FOXP1: variants seen among roughly 807,000 people sequenced by gnomAD.
The protein encoded by FOXP1 is forkhead box protein P1.
In FOXP1, 15 loss-of-function variants were observed where a neutral mutation model predicts 98.2. The ratio of observed to expected loss-of-function variants is 0.15; its 90% confidence interval spans 0.10 to 0.24. FOXP1 has a LOEUF of 0.24. Ranked by LOEUF, FOXP1 falls within the 10% of genes least tolerant of loss-of-function variation. The pLI, the probability that FOXP1 is intolerant of heterozygous loss-of-function variation, is 1.00. For missense variants in FOXP1, 633 were observed against 848.5 expected (o/e 0.75, Z 3.15); for synonymous variants, 371 against 314.5 (o/e 1.18, Z -1.90).
chr3:71,197,788 C>T, intron 6 of FOXP1: 2 of 1,227,390 alleles, frequency 1.6e-6, no homozygotes, highest in Admixed American at 2.2e-5. Flanking sequence ...TACTCTTTTT[C>T]TCTCTTTTAT....
intron 5 of FOXP1, among the ~76,000 whole-genome samples, chr3:71,280,692 C>G (rs1332157197): frequency 6.6e-6 from 1 of 151,908 alleles, no homozygotes; most frequent in Non-Finnish European, 1.5e-5. Context: ...CAAGAGCTGC[C>G]TATGGTAACT....
chr3:71,440,152 G>A (rs1281478995), intron 3 of FOXP1, among the ~76,000 whole-genome samples: 2 of 152,144 alleles, frequency 1.3e-5, no homozygotes, highest in Non-Finnish European at 2.9e-5. Context: ...AGTTATGCAA[G>A]ATGAGAAAGT....
intron 19 of FOXP1, chr3:70,968,555 A>G (rs1347868219): frequency 6.6e-6 from 1 of 151,960 alleles, no homozygotes; most frequent in Non-Finnish European, 1.5e-5. Context: ...AACATTAACC[A>G]CTCTGAGATC....
At chr3:71,583,847 C>A, upstream of FOXP1, 2 of 986,410 alleles carry the variant, frequency 2.0e-6, no homozygotes, top group Non-Finnish European at 2.4e-6. Flanking sequence ...CAGCACCGGC[C>A]CGGGGGCGCA....
chr3:70,991,460 T>C (rs895290284), intron 13 of FOXP1, among the ~76,000 whole-genome samples: 6 of 152,154 alleles, frequency 3.9e-5, no homozygotes, highest in African/African-American at 1.4e-4. Flanking sequence ...TCCTCAAAGA[T>C]ACAAACTAAG....
intron 2 of FOXP1, among the ~76,000 whole-genome samples, chr3:71,527,690 T>A (rs567149877): frequency 6.6e-5 from 10 of 152,282 alleles, no homozygotes; most frequent in Admixed American, 5.2e-4. Flanking sequence ...TTCATCTGTG[T>A]TTCCCCCGAC....
intron 2 of FOXP1, among the ~76,000 whole-genome samples, chr3:71,516,169 G>A (rs1000763726): frequency 4.6e-5 from 7 of 152,166 alleles, no homozygotes; most frequent in Non-Finnish European, 8.8e-5. Flanking sequence ...TTAATGTACT[G>A]CAGTTACGTA....
Position 71,386,854 on chromosome 3 carries a change from T to C in FOXP1, c.-167-27610A>G, listed in dbSNP as rs189865691. On this transcript the variant is annotated intron_variant, in intron 3 of 20. Transcript: ENST00000649528. Reference sequence around the variant, plus strand: ...TGCCTTGCCCATAGCAAATGTTATCTGCCATTAGTATTTAATATTAATATT... The same window carrying C: ...TGCCTTGCCCATAGCAAATGTTATCCGCCATTAGTATTTAATATTAATATT... 2.6e-5 allele frequency among the ~76,000 whole-genome samples: 4 copies of C among 152,276 alleles called. No homozygotes were observed. In the East Asian group the frequency reaches 5.8e-4, roughly 22 times the overall value.
intron 4 of FOXP1, among the ~76,000 whole-genome samples, chr3:71,330,129 A>G (rs1304821348): frequency 6.6e-6 from 1 of 152,250 alleles, no homozygotes. Context: ...CTATGCTTCA[A>G]AGCTGAAGCA....
At chr3:71,391,372 A>G (rs1484337107) in intron 3 of FOXP1, among the ~76,000 whole-genome samples, 1 of 152,250 alleles carries the variant, frequency 6.6e-6, no homozygotes, top group African/African-American at 2.4e-5. Context: ...CTTTCCAAAT[A>G]AAAATGAGTT....
intron 5 of FOXP1, among the ~76,000 whole-genome samples, chr3:71,248,932 G>A (rs1221226078): frequency 6.6e-6 from 1 of 152,156 alleles, no homozygotes; most frequent in South Asian, 2.1e-4. Flanking sequence ...TCACAAAAAA[G>A]CCAGTGGGAA....
intron 2 of FOXP1, among the ~76,000 whole-genome samples, chr3:71,496,743 G>T (rs2091443020): frequency 6.6e-6 from 1 of 152,078 alleles, no homozygotes; most frequent in African/African-American, 2.4e-5. Flanking sequence ...GGAGTCGGAA[G>T]TTGCAGTGAG....
At chr3:71,305,032 A>ACT (rs2074158683) in intron 4 of FOXP1, among the ~76,000 whole-genome samples, 1 of 152,080 alleles carries the variant, frequency 6.6e-6, no homozygotes, top group African/African-American at 2.4e-5. Flanking sequence ...TTGAAATAAC[A>ACT]CTCTACCCTC....
intron 4 of FOXP1, among the ~76,000 whole-genome samples, chr3:71,347,893 A>T (rs1162007321): frequency 6.6e-6 from 1 of 152,102 alleles, no homozygotes; most frequent in Non-Finnish European, 1.5e-5. Context: ...TCACAAAAAA[A>T]AAAAACAGAG....
intron 4 of FOXP1, among the ~76,000 whole-genome samples, chr3:71,325,867 G>C (rs1272910580): frequency 6.6e-6 from 1 of 152,092 alleles, no homozygotes; most frequent in Non-Finnish European, 1.5e-5. Flanking sequence ...TATTTTGTAT[G>C]AAACATCTGT....
intron 8 of FOXP1, 78 bp downstream of exon 8, chr3:71,053,558 A>AT: frequency 6.4e-7 from 1 of 1,563,258 alleles, no homozygotes. Context: ...GCTCTGGTGG[A>AT]GGGGAGATTG....
At chr3:71,132,663 G>A (rs2059629647) in intron 6 of FOXP1, among the ~76,000 whole-genome samples, 1 of 152,094 alleles carries the variant, frequency 6.6e-6, no homozygotes, top group Admixed American at 6.6e-5. Context: ...CAGCACGCTT[G>A]GATTTTTAAA....
intron 6 of FOXP1, among the ~76,000 whole-genome samples, chr3:71,183,108 T>C (rs1295408538): frequency 1.3e-5 from 2 of 152,196 alleles, no homozygotes; most frequent in Non-Finnish European, 2.9e-5. Context: ...TGAACATCCT[T>C]AGGCATAAAT....
chr3:70,990,503 A>G lies in FOXP1; in HGVS notation c.1063-2426T>C, dbSNP rs2040437413. 2.0e-5 allele frequency among the ~76,000 whole-genome samples: 3 copies of G among 152,222 alleles called. No individual in the cohort carries two copies. The South Asian group carries it at 6.2e-4, about 31-fold the overall frequency. On this transcript the variant is annotated intron_variant, in intron 13 of 20. Transcript: ENST00000649528. ...TTCACGGCATCCTTTCATTATTAAA[A>G]TATGAGGATACAAACATTTAATATT...
Sources: gnomAD v4.1 joint callset for allele counts (sites outside exome capture counted in the v4.1 genomes callset) on GRCh38, gnomAD v4.1.1 for gene constraint, MANE v1.5 for transcripts, NCBI Gene and HGNC (gene_info 2026-07-23, HGNC 2026-07-21) for gene names.